The following ABTB3 variants were observed in gnomAD, a reference collection of about 807,000 sequenced individuals.
ABTB3 encodes ankyrin repeat and BTB domain containing 3.
the ABTB3 span, among the ~76,000 whole-genome samples, chr12:107,467,330 G>A: frequency 5.3e-5 from 8 of 152,034 alleles, no homozygotes; most frequent in African/African-American, 1.4e-4. Context: ...AGAATGTGCC[G>A]TTCCAACAAG....
At chr12:107,579,259 T>C in the ABTB3 span, among the ~76,000 whole-genome samples, 2 of 152,334 alleles carry the variant, frequency 1.3e-5, no homozygotes, top group African/African-American at 4.8e-5. Context: ...GTCCATGACC[T>C]GATCAGCTCC....
chr12:107,581,832 C>T, the ABTB3 span, among the ~76,000 whole-genome samples: 2 of 152,116 alleles, frequency 1.3e-5, no homozygotes, highest in Admixed American at 6.5e-5. Context: ...TGAGCCAAAG[C>T]AAGAGAAATA....
chr12:107,431,886 G>A, the ABTB3 span, among the ~76,000 whole-genome samples: 1 of 152,320 alleles, frequency 6.6e-6, no homozygotes, highest in East Asian at 1.9e-4. Context: ...CTGAGGCCCC[G>A]GCCTGGCCCA....
At chr12:107,449,841 C>T in the ABTB3 span, among the ~76,000 whole-genome samples, 304 of 152,100 alleles carry the variant, frequency 2.0e-3, 2 homozygotes, top group African/African-American at 6.9e-3. Flanking sequence ...CAGAGTCTCA[C>T]TTTGTTTCAT....
At chr12:107,326,054 C>T in the ABTB3 span, among the ~76,000 whole-genome samples, 2 of 152,160 alleles carry the variant, frequency 1.3e-5, no homozygotes, top group Admixed American at 1.3e-4. Flanking sequence ...TACAGGCATG[C>T]GCCACCATGC....
chr12:107,446,183 C>T, the ABTB3 span, among the ~76,000 whole-genome samples: 22 of 152,126 alleles, frequency 1.4e-4, no homozygotes, highest in African/African-American at 5.1e-4. Flanking sequence ...GTAAACACGG[C>T]GCTGAGTGCA....
chr12:107,355,406 C>G, the ABTB3 span, among the ~76,000 whole-genome samples: 1 of 152,236 alleles, frequency 6.6e-6, no homozygotes, highest in African/African-American at 2.4e-5. Flanking sequence ...CCTGAGCCTT[C>G]AGTGTCCAGC....
chr12:107,636,178 C>T, the ABTB3 span, among the ~76,000 whole-genome samples: 1 of 152,092 alleles, frequency 6.6e-6, no homozygotes, highest in African/African-American at 2.4e-5. Context: ...GCAGTCCCAG[C>T]TTCTGAGATT....
the ABTB3 span, among the ~76,000 whole-genome samples, chr12:107,337,203 G>A: frequency 1.4e-4 from 21 of 152,230 alleles, no homozygotes; most frequent in African/African-American, 4.8e-4. Context: ...GGTATCAGAT[G>A]GATTTTGCAA....
At chr12:107,344,096 G>A in the ABTB3 span, among the ~76,000 whole-genome samples, 5 of 152,142 alleles carry the variant, frequency 3.3e-5, no homozygotes, top group Admixed American at 3.3e-4. Context: ...GTAGCCTCAT[G>A]GTCCCAATAT....
the ABTB3 span, among the ~76,000 whole-genome samples, chr12:107,637,359 T>C: frequency 7.9e-5 from 12 of 152,050 alleles, no homozygotes; most frequent in African/African-American, 2.9e-4. Flanking sequence ...GCCACTGCAC[T>C]CCAGCCTGGG....
At chr12:107,608,897 T>TAAAATAA in the ABTB3 span, among the ~76,000 whole-genome samples, 14 of 43,708 alleles carry the variant, frequency 3.2e-4, 1 homozygote, top group African/African-American at 1.9e-3. Flanking sequence ...ATAAAATAAA[T>TAAAATAA]AAAATAAAAT....
the ABTB3 span, among the ~76,000 whole-genome samples, chr12:107,415,025 C>T: frequency 6.6e-6 from 1 of 152,042 alleles, no homozygotes; most frequent in South Asian, 2.1e-4. Context: ...CGATCACCAT[C>T]TTATCCCACG....
the ABTB3 span, among the ~76,000 whole-genome samples, chr12:107,367,597 T>C: frequency 6.6e-6 from 1 of 152,116 alleles, no homozygotes; most frequent in Non-Finnish European, 1.5e-5. Flanking sequence ...CTCTGCCTCC[T>C]CCCAGCTCAA....
chr12:107,632,827 G>T, the ABTB3 span, among the ~76,000 whole-genome samples: 1 of 152,178 alleles, frequency 6.6e-6, no homozygotes, highest in African/African-American at 2.4e-5. Flanking sequence ...TAGGACTGAG[G>T]TCCTACTTCC....
chr12:107,594,429 T>C, the ABTB3 span, among the ~76,000 whole-genome samples: 2 of 152,182 alleles, frequency 1.3e-5, no homozygotes, highest in Non-Finnish European at 2.9e-5. Context: ...TTTTCTGTAC[T>C]TCAGTAGCAG....
chr12:107,510,595 T>C, the ABTB3 span, among the ~76,000 whole-genome samples: 2 of 152,032 alleles, frequency 1.3e-5, no homozygotes, highest in Non-Finnish European at 2.9e-5. Context: ...ATGCAGGGTG[T>C]TATTTTTTAG....
chr12:107,333,370 T>C, the ABTB3 span, among the ~76,000 whole-genome samples: 3 of 152,132 alleles, frequency 2.0e-5, no homozygotes, highest in Admixed American at 2.0e-4. Context: ...GGTGCAAGTT[T>C]AGGGAGGCAG....
the ABTB3 span, among the ~76,000 whole-genome samples, chr12:107,526,156 A>G: frequency 6.6e-6 from 1 of 152,210 alleles, no homozygotes; most frequent in African/African-American, 2.4e-5. Context: ...TAGGACTCTT[A>G]ATGAAACTCA....
Sources: allele counts gnomAD v4.1 joint callset (sites outside exome capture counted in the v4.1 genomes callset), GRCh38; gene constraint gnomAD v4.1.1; transcripts MANE v1.5; gene names NCBI Gene and HGNC (gene_info 2026-07-23, HGNC 2026-07-21).